Variants in CCDC9 observed in about 807,000 individuals in gnomAD.
The protein encoded by CCDC9 is coiled-coil domain-containing protein 9.
A neutral mutation model predicts 65.6 loss-of-function variants in CCDC9; 52 were observed. The observed-to-expected ratio is 0.79, with a 90% confidence interval of 0.63 to 1.00. The LOEUF (loss-of-function observed/expected upper bound fraction) is 1.00, where lower values mean the gene tolerates loss of function less well. Among genes scored for constraint, CCDC9 ranks in the 50% least tolerant of loss-of-function variants. The pLI, the probability that CCDC9 is intolerant of heterozygous loss-of-function variation, is 0.00. For synonymous variants in CCDC9, 332 were observed against 280.3 expected, an observed-to-expected ratio of 1.18 and a Z score of -1.84; for missense variants, 834 against 757.2, an observed-to-expected ratio of 1.10 and a Z score of -1.19.
downstream of CCDC9, chr19:47,274,781 G>A (rs2059145585): frequency 2.3e-6 from 1 of 433,360 alleles, no homozygotes; most frequent in East Asian, 6.2e-5. Flanking sequence ...GGCAGCTCGC[G>A]TGGGGGCGTG....
chr19:47,275,129 C>A, downstream of CCDC9: 2 of 1,490,640 alleles, frequency 1.3e-6, no homozygotes, highest in Non-Finnish European at 8.9e-7. Flanking sequence ...CACAGCCCAG[C>A]GCGCCGTCCC....
At position 47,271,313 on chromosome 19, in the gene CCDC9, GACGAGGGGGAAGAGA is replaced by G. The variant is rs2059115223; in HGVS notation, c.1233_1247del (p.Asn416_Glu420del). On this transcript the variant is annotated inframe_deletion, in exon 12 of 12. Transcript: ENST00000221922. ...AGCTCCTGCCCACCGGCCTCCTGAA[GACGAGGGGGAAGAGA>G]ATGAGGGGGAAGAGGATGAAGAATG... 5.0e-6 allele frequency: 8 copies of G among 1,612,470 alleles called. No individual in the cohort carries two copies. The highest frequency in any genetic ancestry group is 3.3e-5 in the Admixed American group (2 of 59,704).
chr19:47,272,122 A>G, downstream of CCDC9: 2 of 1,236,006 alleles, frequency 1.6e-6, no homozygotes, highest in Non-Finnish European at 2.0e-6. Context: ...CCTCCGAGGA[A>G]CCCAGGAAGC....
rs138505925 is a variant in CCDC9 at position 47,263,436 on chromosome 19, C to T, written c.463-1167C>T. 8.1e-3 allele frequency among the ~76,000 whole-genome samples: 1,228 copies of T among 152,294 alleles called. 8 individuals carry two copies. The highest frequency in any genetic ancestry group is 0.013 in the Non-Finnish European group (868 of 68,028). ...TTTCCCTGTGGAGTCCCAGGGGATG[C>T]GCTGAATTCCTCCAGCACTGAATTG... On this transcript the variant is annotated intron_variant, in intron 5 of 11. Coordinates refer to ENST00000221922, the MANE Select transcript of CCDC9 (RefSeq NM_015603.3).
chr19:47,267,951 G>A (rs2059093348), intron 8 of CCDC9, among the ~76,000 whole-genome samples: 2 of 151,888 alleles, frequency 1.3e-5, no homozygotes, highest in African/African-American at 4.8e-5. Context: ...GGGTTCAAGC[G>A]ATTTTCCTGC....
At chr19:47,267,624 C>G (rs2059090831) in intron 8 of CCDC9, among the ~76,000 whole-genome samples, 1 of 152,166 alleles carries the variant, frequency 6.6e-6, no homozygotes, top group African/African-American at 2.4e-5. Flanking sequence ...GGCACACTTC[C>G]CAGTTGTGTT....
At chr19:47,272,790 A>G (rs1048713264), downstream of CCDC9, among the ~76,000 whole-genome samples, 3 of 152,278 alleles carry the variant, frequency 2.0e-5, no homozygotes, top group Non-Finnish European at 2.9e-5. Flanking sequence ...TAGAATAGAC[A>G]TGCGTACCCG....
chr19:47,271,365 G>C lies in CCDC9; in HGVS notation c.1283G>C (p.Ser428Thr). The change falls in exon 12 of 12, where the codon AGT becomes ACT. Residue 428 changes from serine (S) to threonine (T), a missense_variant. Physicochemically the swap from Ser to Thr is moderately conservative, Grantham distance 58. Transcript: ENST00000221922. ...GEEDEEWEDI[S>T]EDEEEEEIEV... ...GAGGATGAAGAATGGGAGGACATAAGTGAGGATGAGGAAGAGGAGGAGATC... is the reference window on the plus strand; with the variant it reads ...GAGGATGAAGAATGGGAGGACATAACTGAGGATGAGGAAGAGGAGGAGATC... 1 of 1,613,678 alleles carries C rather than the reference G, an allele frequency of 6.2e-7. No individual in the cohort carries two copies. The highest frequency in any genetic ancestry group is 8.5e-7 in the Non-Finnish European group (1 of 1,179,798).
At chr19:47,258,277 G>A in intron 1 of CCDC9, 53 bp from the exon 2 acceptor site, 1 of 962,884 alleles carries the variant, frequency 1.0e-6, no homozygotes, top group Non-Finnish European at 1.7e-6. Context: ...GTTAGAGGGT[G>A]AAGTAGGTTG....
intron 3 of CCDC9, 100 bp downstream of exon 3, chr19:47,258,763 A>C (rs1408132273): frequency 2.3e-6 from 2 of 852,392 alleles, no homozygotes; most frequent in African/African-American, 1.7e-5. Context: ...GCTCCCCATC[A>C]CTGTCAGGAT....
At chr19:47,265,236 G>A (rs2059073870) in intron 7 of CCDC9, among the ~76,000 whole-genome samples, 1 of 151,982 alleles carries the variant, frequency 6.6e-6, no homozygotes, top group African/African-American at 2.4e-5. Flanking sequence ...TTCGTATTTT[G>A]TAGAGACGGG....
chr19:47,267,651 C>G (rs1362057191), intron 8 of CCDC9, among the ~76,000 whole-genome samples: 1 of 152,206 alleles, frequency 6.6e-6, no homozygotes, highest in African/African-American at 2.4e-5. Context: ...CACACCCCGC[C>G]TCACTGGGGC....
At chr19:47,269,246 G>T (rs2059101064) in intron 8 of CCDC9, among the ~76,000 whole-genome samples, 1 of 152,142 alleles carries the variant, frequency 6.6e-6, no homozygotes, top group African/African-American at 2.4e-5. Flanking sequence ...GGGCAAGGTG[G>T]GTAATTAAGA....
At chr19:47,266,071 C>G (rs1240949461) in intron 7 of CCDC9, among the ~76,000 whole-genome samples, 2 of 142,230 alleles carry the variant, frequency 1.4e-5, no homozygotes, top group East Asian at 4.4e-4. Flanking sequence ...TCTCGGCTCA[C>G]TGCAAGCTCT....
intron 5 of CCDC9, among the ~76,000 whole-genome samples, chr19:47,264,378 G>C (rs2059066390): frequency 6.6e-6 from 1 of 152,188 alleles, no homozygotes; most frequent in Admixed American, 6.5e-5. Flanking sequence ...AGACCCCCCA[G>C]TAGGAAGGCG....
At chr19:47,262,675 C>T (rs537933105) in intron 5 of CCDC9, among the ~76,000 whole-genome samples, 3 of 152,118 alleles carry the variant, frequency 2.0e-5, no homozygotes, top group African/African-American at 4.8e-5. Context: ...ACTTAGACAC[C>T]TGGTCATACC....
chr19:47,258,452 G>T (rs1836540756), intron 2 of CCDC9, 49 bp downstream of exon 2: 3 of 1,613,168 alleles, frequency 1.9e-6, no homozygotes, highest in Non-Finnish European at 2.5e-6. Context: ...GGGGAAGGGG[G>T]CTTGGGAGGA....
In CCDC9 at chr19:47,266,595, G is replaced by T; in HGVS notation, c.721-16G>T. On this transcript the variant is annotated splice_polypyrimidine_tract_variant and intron_variant, in intron 7 of 11. Coordinates refer to ENST00000221922, the MANE Select transcript of CCDC9 (RefSeq NM_015603.3). ...GTGCGGGACATCACCCTGACTCCCT[G>T]TGGGCTGGGGGGCAGGGCCGCCGAG... 1 of 1,508,184 alleles carries T rather than the reference G, an allele frequency of 6.6e-7. No individual in the cohort carries two copies. The highest frequency in any genetic ancestry group is 8.9e-7 in the Non-Finnish European group (1 of 1,121,604). The allele number at this position is 1,508,184 out of a possible 1,614,324, so 93.4% of individuals were successfully genotyped here. A position where few individuals can be genotyped will look rare whatever the true frequency, so the allele number is the denominator to read the frequency against.
chr19:47,264,871 G>A lies in CCDC9; in HGVS notation c.645G>A (p.Glu215=), dbSNP rs2032811. 6.7e-7 allele frequency: 1 copy of A among 1,485,454 alleles called. No individual in the cohort carries two copies. The highest frequency in any genetic ancestry group is 8.9e-7 in the Non-Finnish European group (1 of 1,119,944). The allele number at this position is 1,485,454 out of a possible 1,614,324, so 92.0% of individuals were successfully genotyped here. The change falls in exon 7 of 12, where the codon GAG becomes GAA. Residue 215 remains glutamate, a synonymous_variant. Coordinates refer to ENST00000221922, the MANE Select transcript of CCDC9 (RefSeq NM_015603.3). ...AGTCTGAGCGGGACCGCCGGGAGGA[G>A]AGCCGCCGGCACGGCCGCAACTGGG... is the stretch of plus-strand genomic sequence containing the variant. ...LEESERDRRE[E]SRRHGRNWGG...
Sources: allele counts gnomAD v4.1 joint callset (sites outside exome capture counted in the v4.1 genomes callset), GRCh38; gene constraint gnomAD v4.1.1; transcripts MANE v1.5; gene names NCBI Gene and HGNC (gene_info 2026-07-23, HGNC 2026-07-21).